CDH18: variants seen among roughly 807,000 people sequenced by gnomAD.
The protein encoded by CDH18 is cadherin-18.
A neutral mutation model predicts 67.9 loss-of-function variants in CDH18; 31 were observed. The ratio of observed to expected loss-of-function variants is 0.46; its 90% CI spans 0.34 to 0.62. CDH18 has a LOEUF of 0.62. CDH18 is among the 20% of genes least tolerant of loss of function. The pLI is 0.01. For missense variants in CDH18, 890 were observed against 975.5 expected (o/e 0.91, Z 1.17); for synonymous variants, 362 against 347.2 (o/e 1.04, Z -0.48).
At chr5:20,352,585 C>T (rs1741279982) in intron 1 of CDH18, among the ~76,000 whole-genome samples, 1 of 148,922 alleles carries the variant, frequency 6.7e-6, no homozygotes, top group South Asian at 2.1e-4. Flanking sequence ...TCGAGACCAT[C>T]CTGGCTGAAA....
intron 2 of CDH18, among the ~76,000 whole-genome samples, chr5:20,083,334 T>C (rs563298946): frequency 1.3e-5 from 2 of 152,356 alleles, no homozygotes; most frequent in South Asian, 4.1e-4. Flanking sequence ...TCTTCTTTTA[T>C]TATGCTTTGC....
chr5:19,485,493 G>A (rs1298196297), intron 11 of CDH18, among the ~76,000 whole-genome samples: 2 of 152,046 alleles, frequency 1.3e-5, no homozygotes, highest in Non-Finnish European at 1.5e-5. Context: ...CTGACCTCAC[G>A]ATCCACCCGC....
At chr5:19,803,419 A>G (rs1400581768) in intron 3 of CDH18, among the ~76,000 whole-genome samples, 1 of 152,234 alleles carries the variant, frequency 6.6e-6, no homozygotes, top group African/African-American at 2.4e-5. Flanking sequence ...AATTTAAAGT[A>G]ATGAAATCTA....
intron 2 of CDH18, among the ~76,000 whole-genome samples, chr5:19,865,586 G>A (rs1223816235): frequency 6.6e-6 from 1 of 152,020 alleles, no homozygotes; most frequent in African/African-American, 2.4e-5. Context: ...TGTTCCCACT[G>A]AGAATCCCAC....
intron 2 of CDH18, among the ~76,000 whole-genome samples, chr5:20,095,759 A>G (rs1242106483): frequency 6.6e-6 from 1 of 151,962 alleles, no homozygotes; most frequent in African/African-American, 2.4e-5. Flanking sequence ...GTTATAAGCT[A>G]CAGACTTAAA....
At chr5:20,518,997 A>G (rs751452435) in intron 1 of CDH18, among the ~76,000 whole-genome samples, 2 of 152,282 alleles carry the variant, frequency 1.3e-5, no homozygotes, top group South Asian at 4.1e-4. Context: ...TCTGATGACT[A>G]TATATTAGTA....
At chr5:19,722,812 T>C (rs187634666) in intron 4 of CDH18, among the ~76,000 whole-genome samples, 1 of 152,246 alleles carries the variant, frequency 6.6e-6, no homozygotes, top group Admixed American at 6.5e-5. Context: ...TTACAATCAA[T>C]TGATCTTGTA....
intron 6 of CDH18, among the ~76,000 whole-genome samples, chr5:19,608,564 T>C (rs546722997): frequency 2.6e-5 from 4 of 151,874 alleles, no homozygotes; most frequent in African/African-American, 9.6e-5. Flanking sequence ...TCATTAACTT[T>C]AGAAATTACC....
At chr5:19,508,446 C>G (rs1561226971) in intron 10 of CDH18, among the ~76,000 whole-genome samples, 1 of 151,882 alleles carries the variant, frequency 6.6e-6, no homozygotes, top group Non-Finnish European at 1.5e-5. Context: ...CATGTGTCTT[C>G]TAATTGAACC....
chr5:19,923,860 A>G (rs1792781259), intron 2 of CDH18, among the ~76,000 whole-genome samples: 1 of 152,224 alleles, frequency 6.6e-6, no homozygotes, highest in Admixed American at 6.5e-5. Flanking sequence ...GGCTGCAGAA[A>G]TTCTGACAAC....
chr5:20,514,770 AC>A (rs1399139905), intron 1 of CDH18, among the ~76,000 whole-genome samples: 1 of 152,164 alleles, frequency 6.6e-6, no homozygotes, highest in Non-Finnish European at 1.5e-5. Context: ...GTAAAGTTTA[AC>A]ATGACATGTA....
chr5:19,862,356 C>A (rs928479613), intron 2 of CDH18, among the ~76,000 whole-genome samples: 2 of 152,080 alleles, frequency 1.3e-5, no homozygotes, highest in Admixed American at 1.3e-4. Context: ...ACCTTTGTGT[C>A]TATAAAATTA....
chr5:19,859,990 G>C (rs1478251007), intron 2 of CDH18, among the ~76,000 whole-genome samples: 2 of 3,548 alleles, frequency 5.6e-4, no homozygotes, highest in Admixed American at 6.7e-3. Context: ...TTTGCTTTGG[G>C]TGTGTGTGTG....
chr5:19,508,594 AT>A (rs1351251067), intron 10 of CDH18, among the ~76,000 whole-genome samples: 3 of 152,236 alleles, frequency 2.0e-5, no homozygotes, highest in African/African-American at 7.2e-5. Flanking sequence ...GACAGTTGCT[AT>A]TTATAAATAA....
chr5:20,398,120 C>G (rs1745432551), intron 1 of CDH18, among the ~76,000 whole-genome samples: 1 of 152,116 alleles, frequency 6.6e-6, no homozygotes, highest in Non-Finnish European at 1.5e-5. Context: ...GAGTCTATTT[C>G]ATGAATAATT....
At chr5:19,843,037 G>A (rs946055651) in intron 2 of CDH18, among the ~76,000 whole-genome samples, 2 of 152,264 alleles carry the variant, frequency 1.3e-5, no homozygotes, top group South Asian at 2.1e-4. Context: ...TTTTCAGCCT[G>A]ATCGTGTGAT....
At chr5:20,266,706 G>A (rs1745070491) in intron 1 of CDH18, among the ~76,000 whole-genome samples, 1 of 150,906 alleles carries the variant, frequency 6.6e-6, no homozygotes, top group South Asian at 2.1e-4. Context: ...GGGATTACAG[G>A]CGTGAGTCAC....
chr5:19,851,434 C>A (rs4637550), intron 2 of CDH18, among the ~76,000 whole-genome samples: 115,995 of 144,804 alleles, frequency 0.8, 47,814 homozygotes, highest in Non-Finnish European at 0.91. Flanking sequence ...AAAAAAAAAA[C>A]AAACCCAAAA....
intron 2 of CDH18, among the ~76,000 whole-genome samples, chr5:20,175,631 G>T (rs1737173192): frequency 6.6e-6 from 1 of 152,064 alleles, no homozygotes; most frequent in Admixed American, 6.6e-5. Flanking sequence ...GTTCTCTAAA[G>T]GGACAGAACT....
Sources: gnomAD v4.1 joint callset for allele counts (sites outside exome capture counted in the v4.1 genomes callset) on GRCh38, gnomAD v4.1.1 for gene constraint, MANE v1.5 for transcripts, NCBI Gene and HGNC (gene_info 2026-07-23, HGNC 2026-07-21) for gene names.